Variants in CDH12 observed in about 807,000 individuals in gnomAD.
CDH12 encodes the protein cadherin-12.
Under a neutral mutation model 74.1 loss-of-function variants are expected in CDH12, and 41 were observed. The observed-to-expected ratio is 0.55, with a 90% confidence interval of 0.43 to 0.72. The LOEUF (loss-of-function observed/expected upper bound fraction) is 0.72, where lower values mean the gene tolerates loss of function less well. CDH12 is among the 30% of genes least tolerant of loss of function. The probability of loss-of-function intolerance (pLI) is 0.00; values close to 1 mark genes in which losing one functional copy is unlikely to be tolerated. For missense variants in CDH12, 945 were observed against 977.2 expected (o/e 0.97, Z 0.44); for synonymous variants, 399 against 355.0 (o/e 1.12, Z -1.39).
At chr5:22,272,603 T>TG (rs1391936468) in intron 3 of CDH12, among the ~76,000 whole-genome samples, 2 of 152,142 alleles carry the variant, frequency 1.3e-5, no homozygotes, top group African/African-American at 4.8e-5. Context: ...GTGTGAGATG[T>TG]GGTAGTCTTC....
chr5:21,777,850 A>G (rs1745679962), intron 11 of CDH12, among the ~76,000 whole-genome samples: 1 of 152,218 alleles, frequency 6.6e-6, no homozygotes, highest in African/African-American at 2.4e-5. Context: ...TGTATTTACC[A>G]TGTACAATAC....
In CDH12 at chr5:22,466,809, A is replaced by G. The variant is rs1352214902; in HGVS notation, c.-428+38461T>C. ...TTTTTTTTTTTTTTTTTTTTTTTTG[A>G]GACGTTGTCTTGCTCTGTCACCAGG... On this transcript the variant is annotated intron_variant, in intron 2 of 14. Transcript: ENST00000382254. 5.8e-3 allele frequency among the ~76,000 whole-genome samples: 139 copies of G among 23,882 alleles called. 1 individual carries two copies. The highest frequency in any genetic ancestry group is 9.6e-3 in the Non-Finnish European group (120 of 12,536). The allele number at this position is 23,882 out of a possible 152,430, so 15.7% of individuals were successfully genotyped here.
chr5:22,393,345 T>A (rs200747720), intron 3 of CDH12, among the ~76,000 whole-genome samples: 83 of 152,110 alleles, frequency 5.5e-4, no homozygotes, highest in Non-Finnish European at 8.5e-4. Flanking sequence ...AGGTACAGAA[T>A]CTCTACTAGG....
At chr5:21,942,636 G>C (rs553247162) in intron 6 of CDH12, among the ~76,000 whole-genome samples, 1 of 152,048 alleles carries the variant, frequency 6.6e-6, no homozygotes, top group South Asian at 2.1e-4. Context: ...GTGTATGTGT[G>C]TGTGTTTATA....
At chr5:22,802,195 C>T (rs1748566891) in intron 1 of CDH12, among the ~76,000 whole-genome samples, 1 of 149,064 alleles carries the variant, frequency 6.7e-6, no homozygotes, top group Non-Finnish European at 1.5e-5. Flanking sequence ...GATCCAGGCT[C>T]ACTGCAAGCT....
intron 3 of CDH12, among the ~76,000 whole-genome samples, chr5:22,379,361 A>G (rs1358878684): frequency 6.6e-6 from 1 of 152,180 alleles, no homozygotes; most frequent in Non-Finnish European, 1.5e-5. Flanking sequence ...ATTAATACCT[A>G]GAAAACAAAT....
At chr5:22,555,688 T>C (rs1210856561) in intron 1 of CDH12, among the ~76,000 whole-genome samples, 1 of 152,080 alleles carries the variant, frequency 6.6e-6, no homozygotes, top group East Asian at 1.9e-4. Flanking sequence ...TTATAGTAGA[T>C]GTGTGCTTTA....
intron 3 of CDH12, among the ~76,000 whole-genome samples, chr5:22,270,676 A>G (rs1736359295): frequency 6.6e-6 from 1 of 150,866 alleles, no homozygotes. Context: ...TTATTTATTT[A>G]TTTATGTATT....
intron 2 of CDH12, among the ~76,000 whole-genome samples, chr5:22,455,527 G>GTCA (rs1441039021): frequency 6.6e-6 from 1 of 152,108 alleles, no homozygotes; most frequent in East Asian, 1.9e-4. Context: ...CACTCTAGGT[G>GTCA]ATTTTGACAA....
At chr5:22,580,177 T>C (rs988767349) in intron 1 of CDH12, 2 of 289,042 alleles carry the variant, frequency 6.9e-6, no homozygotes, top group African/African-American at 4.4e-5. Context: ...CAGATGAGGG[T>C]ACATTTTGGG....
intron 3 of CDH12, among the ~76,000 whole-genome samples, chr5:22,214,667 G>C (rs372442266): frequency 6.6e-6 from 1 of 152,122 alleles, no homozygotes; most frequent in African/African-American, 2.4e-5. Flanking sequence ...TTATTAAAAC[G>C]TTAAGACAGG....
intron 2 of CDH12, among the ~76,000 whole-genome samples, chr5:22,417,280 A>G (rs1449594827): frequency 6.6e-6 from 1 of 152,228 alleles, no homozygotes; most frequent in African/African-American, 2.4e-5. Flanking sequence ...CTTAATGTCC[A>G]ATGCAACAGG....
intron 5 of CDH12, among the ~76,000 whole-genome samples, chr5:22,062,929 T>C (rs770281312): frequency 2.0e-5 from 3 of 152,112 alleles, no homozygotes; most frequent in South Asian, 2.1e-4. Context: ...AACTGCATGA[T>C]GAAAACTCCA....
chr5:21,788,630 A>T (rs1746326840), intron 10 of CDH12, among the ~76,000 whole-genome samples: 1 of 152,242 alleles, frequency 6.6e-6, no homozygotes, highest in East Asian at 1.9e-4. Flanking sequence ...ATGTATAATA[A>T]AGTTGCAAGA....
chr5:22,144,409 T>A (rs1341760968), intron 4 of CDH12, among the ~76,000 whole-genome samples: 2 of 152,316 alleles, frequency 1.3e-5, no homozygotes, highest in Non-Finnish European at 2.9e-5. Context: ...TTTTAATTAA[T>A]GTACTACTAA....
rs1219635796 is a variant in CDH12, at chr5:22,480,819, GT to G, written c.-428+24450del. Among the ~76,000 whole-genome samples the G allele has an allele frequency of 2.0e-5, 3 of 152,160 alleles. No homozygotes were observed. In the East Asian group the frequency reaches 5.8e-4, roughly 29 times the overall value. On this transcript the variant is annotated intron_variant, in intron 2 of 14. Coordinates refer to ENST00000382254, the MANE Select transcript of CDH12 (RefSeq NM_004061.5). ...CTGGGAGGCAGGGCACAGATCCAGG[GT>G]TTTTAAAAGTTTATTCTTCATCATT... is the stretch of plus-strand genomic sequence containing the variant.
chr5:22,381,238 A>G (rs1342288924), intron 3 of CDH12, among the ~76,000 whole-genome samples: 1 of 152,028 alleles, frequency 6.6e-6, no homozygotes, highest in Admixed American at 6.6e-5. Flanking sequence ...AGAATATTTG[A>G]AAATATTATA....
At chr5:22,076,915 C>T (rs1742359314) in intron 5 of CDH12, among the ~76,000 whole-genome samples, 1 of 152,094 alleles carries the variant, frequency 6.6e-6, no homozygotes, top group Admixed American at 6.6e-5. Flanking sequence ...TTCTACTCAA[C>T]CTACAGGTTC....
intron 8 of CDH12, among the ~76,000 whole-genome samples, chr5:21,818,943 G>A (rs1561211581): frequency 6.6e-6 from 1 of 151,966 alleles, no homozygotes; most frequent in African/African-American, 2.4e-5. Context: ...ATTTCTCATA[G>A]GGTAGGATTA....
Sources: gnomAD v4.1 joint callset for allele counts (sites outside exome capture counted in the v4.1 genomes callset) on GRCh38, gnomAD v4.1.1 for gene constraint, MANE v1.5 for transcripts, NCBI Gene and HGNC (gene_info 2026-07-23, HGNC 2026-07-21) for gene names.